The following OAS2 variants were observed in gnomAD, a reference collection of about 807,000 sequenced individuals.
The protein encoded by OAS2 is 2'-5'-oligoadenylate synthetase 2.
A neutral mutation model predicts 71.3 loss-of-function variants in OAS2; 67 were observed. The observed-to-expected ratio is 0.94, with a 90% CI of 0.77 to 1.15. The LOEUF is 1.15. OAS2 is among the 50% of genes most tolerant of loss of function. OAS2 has a pLI of 0.00. For missense variants in OAS2, 789 were observed against 822.5 expected, an observed-to-expected ratio of 0.96 and a Z score of 0.50; for synonymous variants, 327 against 321.8, an observed-to-expected ratio of 1.02 and a Z score of -0.17.
chr12:112,997,055 A>G (rs1242867292), intron 3 of OAS2, among the ~76,000 whole-genome samples: 1 of 152,142 alleles, frequency 6.6e-6, no homozygotes. Flanking sequence ...CTAAGATGTT[A>G]TCTTTAGTTT....
rs370660600 is a variant in OAS2, at chr12:113,002,966, T to C, written c.1043T>C (p.Leu348Pro). Residue 348 changes from leucine to proline, a missense_variant, in exon 6 of 10, where the codon CTG becomes CCG. Coordinates refer to ENST00000392583, the MANE Select transcript of OAS2 (RefSeq NM_002535.3). ...APLFTTPGHL[L>P]DKFIKEFLQP... ...CTCTTCACGACCCCAGGCCACCTTC[T>C]GGATAAGTTCATCAAGGAGTTTCTC... 7.9e-5 allele frequency: 128 copies of C among 1,614,022 alleles called. No homozygotes were observed. Among genetic ancestry groups the C allele is most frequent in the Non-Finnish European group, 1.0e-4 (118 of 1,179,980 alleles).
chr12:113,004,219 C>T (rs1355873786), intron 6 of OAS2, among the ~76,000 whole-genome samples: 1 of 152,144 alleles, frequency 6.6e-6, no homozygotes, highest in African/African-American at 2.4e-5. Flanking sequence ...AGGTGGCCTG[C>T]ATGAATGAAG....
intron 7 of OAS2, among the ~76,000 whole-genome samples, chr12:113,005,865 T>C (rs1480317637): frequency 4.6e-5 from 6 of 129,966 alleles, no homozygotes; most frequent in African/African-American, 1.8e-4. Context: ...CACTCCAGTC[T>C]GGGGCAACAG....
chr12:113,003,131 T>A, intron 6 of OAS2, 29 bp downstream of exon 6: 2 of 1,610,718 alleles, frequency 1.2e-6, no homozygotes, highest in South Asian at 2.2e-5. Flanking sequence ...CATGTCTTGT[T>A]GGAATGATGT....
chr12:112,978,523 T>G lies in OAS2; in HGVS notation c.-86T>G. ...GGAGAGAGGCCTCTAGACTTCAGTTTCAGTTTCCTGGCTCTGGGCAGCAGC... is the reference window on the plus strand; with the variant it reads ...GGAGAGAGGCCTCTAGACTTCAGTTGCAGTTTCCTGGCTCTGGGCAGCAGC... On this transcript the variant is annotated 5_prime_UTR_variant, in exon 1 of 10. Coordinates refer to ENST00000392583, the MANE Select transcript of OAS2 (RefSeq NM_002535.3). The surrounding 1 kb of genome is among the most constrained non-coding windows in gnomAD (Gnocchi z 4.2). The G allele has an allele frequency of 6.8e-7, 1 of 1,460,752 alleles. No individual in the cohort carries two copies. The highest frequency in any genetic ancestry group is 1.2e-5 in the South Asian group (1 of 86,100). 90.5% of individuals were successfully genotyped at this position (1,460,752 alleles called of 1,614,324 possible). A position where few individuals can be genotyped will look rare whatever the true frequency, so the allele number is the denominator to read the frequency against.
intron 5 of OAS2, among the ~76,000 whole-genome samples, chr12:113,000,732 CAT>C (rs1239960070): frequency 6.6e-6 from 1 of 151,986 alleles, no homozygotes; most frequent in African/African-American, 2.4e-5. Flanking sequence ...CACTCACACA[CAT>C]GCACACACAT....
chr12:112,988,175 G>A, intron 2 of OAS2: 1 of 980,004 alleles, frequency 1.0e-6, no homozygotes, highest in Non-Finnish European at 1.2e-6. Context: ...CCACTTAAAG[G>A]CAGCATTAAT....
Position 113,005,220 on chromosome 12 carries a change from T to C in OAS2, c.1466T>C (p.Leu489Pro), listed in dbSNP as rs1345186451. The C allele has an allele frequency of 6.2e-7, 1 of 1,610,854 alleles. No individual in the cohort carries two copies. Among genetic ancestry groups the C allele is most frequent in the African/African-American group, 1.3e-5 (1 of 74,698 alleles). ...SFDVLPAFNA[L>P]GQLSSGSTPS... is the part of the protein sequence containing the mutation. ...GATGTGCTTCCTGCCTTTAATGCACTGGGTAAGGCTCCCCAGACCTTAGCT... is the reference window on the plus strand; with the variant it reads ...GATGTGCTTCCTGCCTTTAATGCACCGGGTAAGGCTCCCCAGACCTTAGCT... The change falls in exon 7 of 10, where the codon CTG becomes CCG. Residue 489 changes from leucine (L) to proline (P), a missense_variant and splice_region_variant. Coordinates refer to ENST00000392583, the MANE Select transcript of OAS2 (RefSeq NM_002535.3).
chr12:113,000,564 C>T (rs961782599), intron 5 of OAS2, among the ~76,000 whole-genome samples: 1 of 150,146 alleles, frequency 6.7e-6, no homozygotes, highest in Non-Finnish European at 1.5e-5. Context: ...TCACACCATG[C>T]ACACACGCAC....
chr12:112,994,331 C>T (rs189733775), intron 2 of OAS2, among the ~76,000 whole-genome samples: 1 of 152,322 alleles, frequency 6.6e-6, no homozygotes, highest in African/African-American at 2.4e-5. Context: ...CACTTGTTTC[C>T]GCCATTGGCT....
chr12:113,005,081 T>A lies in OAS2; in HGVS notation c.1327T>A (p.Trp443Arg), dbSNP rs776805819. 7 of 1,614,006 alleles carry A rather than the reference T, an allele frequency of 4.3e-6. No individual in the cohort carries two copies. The East Asian group carries it at 1.6e-4, about 36-fold the overall frequency. Residue 443 changes from tryptophan to arginine, a missense_variant, in exon 7 of 10, where the codon TGG (tryptophan) becomes AGG (arginine). By Grantham distance (101) the Trp-to-Arg change is moderately radical. Coordinates refer to ENST00000392583, the MANE Select transcript of OAS2 (RefSeq NM_002535.3). ...KEIHEQLKAFWREKEEELEVS... is the reference protein window; with the variant it reads ...KEIHEQLKAFRREKEEELEVS... ...AATCCATGAACAGCTGAAAGCCTTT[T>A]GGAGGGAGAAGGAGGAGGAGCTTGA... is the stretch of plus-strand genomic sequence containing the variant.
chr12:112,986,916 C>G, intron 1 of OAS2, 122 bp from the exon 2 acceptor site: 1 of 1,290,232 alleles, frequency 7.8e-7, no homozygotes, highest in Non-Finnish European at 1.1e-6. Flanking sequence ...CAAATGGATG[C>G]CTGCCACTCA....
intron 2 of OAS2, chr12:112,988,618 G>A: frequency 1.0e-6 from 1 of 985,402 alleles, no homozygotes; most frequent in Non-Finnish European, 1.2e-6. Context: ...GGCTAAACTT[G>A]ATTTAACAGC....
intron 2 of OAS2, 86 bp from the exon 3 acceptor site, chr12:112,995,210 A>G (rs533585916): frequency 3.2e-6 from 4 of 1,259,584 alleles, no homozygotes; most frequent in South Asian, 2.9e-5. Context: ...CTATCAAACT[A>G]TAACTGACCT....
At position 112,997,797 on chromosome 12, in the gene OAS2, G is replaced by A. The variant is rs375782298; in HGVS notation, c.863+42G>A. 256 of 1,373,518 alleles carry A rather than the reference G, an allele frequency of 1.9e-4. 2 individuals are homozygous for A. Among genetic ancestry groups the A allele is most frequent in the South Asian group, 6.0e-4 (42 of 69,598 alleles). The allele number at this position is 1,373,518 out of a possible 1,614,324, so 85.1% of individuals were successfully genotyped here. On this transcript the variant is annotated intron_variant, in intron 4 of 9. Transcript: ENST00000392583. Reference sequence around the variant, plus strand: ...ACCCTATCCCTGTACCTCATCATCCGCATGCCAGGCATACCTCTTTGGAAT... The same window carrying A: ...ACCCTATCCCTGTACCTCATCATCCACATGCCAGGCATACCTCTTTGGAAT...
chr12:112,994,664 C>T (rs370351396), intron 2 of OAS2, among the ~76,000 whole-genome samples: 1 of 152,236 alleles, frequency 6.6e-6, no homozygotes, highest in African/African-American at 2.4e-5. Context: ...TCAGGTGATC[C>T]GCCTGCCTCA....
chr12:113,010,301 TCCCCTAAC>T lies in OAS2; in HGVS notation c.*1047_*1054del. The T allele has an allele frequency of 4.0e-6, 6 of 1,516,030 alleles. No individual in the cohort carries two copies. The Admixed American group carries it at 6.6e-5, about 17-fold the overall frequency. 93.9% of individuals were successfully genotyped at this position (1,516,030 alleles called of 1,614,324 possible). Reference sequence around the variant, plus strand: ...TCCCAGATACAGGTCCCCCCTTTTTTCCCCTAACTCTTTTAAGCAATGATTGTAACTAT... The same window carrying T: ...TCCCAGATACAGGTCCCCCCTTTTTTTCTTTTAAGCAATGATTGTAACTAT... On this transcript the variant is annotated 3_prime_UTR_variant, in exon 10 of 10. Transcript: ENST00000392583.
chr12:112,996,440 C>T (rs1283931944), intron 3 of OAS2, among the ~76,000 whole-genome samples: 3 of 151,872 alleles, frequency 2.0e-5, no homozygotes, highest in African/African-American at 4.8e-5. Context: ...CAAATCTTGC[C>T]GAATCATTTC....
chr12:112,995,698 T>C (rs780052031), intron 3 of OAS2, among the ~76,000 whole-genome samples: 4 of 152,144 alleles, frequency 2.6e-5, no homozygotes, highest in Non-Finnish European at 4.4e-5. Context: ...TATTCTAACA[T>C]CTATTACCAC....
Sources: allele counts gnomAD v4.1 joint callset (sites outside exome capture counted in the v4.1 genomes callset), GRCh38; gene constraint gnomAD v4.1.1; non-coding constraint Gnocchi (gnomAD v3.1); transcripts MANE v1.5; gene names NCBI Gene and HGNC (gene_info 2026-07-23, HGNC 2026-07-21).